The following RBFOX1 variants were observed in gnomAD, a reference collection of about 807,000 sequenced individuals.
RBFOX1 encodes the protein RNA binding fox-1 homolog 1.
In RBFOX1, 8 loss-of-function variants were observed where a neutral mutation model predicts 57.7. The ratio of observed to expected loss-of-function variants is 0.14; its 90% CI spans 0.08 to 0.25. The LOEUF (loss-of-function observed/expected upper bound fraction) is 0.25, where lower values mean the gene tolerates loss of function less well. Among genes scored for constraint, RBFOX1 ranks in the 10% least tolerant of loss-of-function variants. The pLI, the probability that RBFOX1 is intolerant of heterozygous loss-of-function variation, is 1.00. For missense variants in RBFOX1, 611 were observed against 548.5 expected, an observed-to-expected ratio of 1.11 and a Z score of -1.14; for synonymous variants, 326 against 222.4, an observed-to-expected ratio of 1.47 and a Z score of -4.15.
chr16:6,604,414 T>C (rs1330166086), intron 2 of RBFOX1, among the ~76,000 whole-genome samples: 1 of 152,196 alleles, frequency 6.6e-6, no homozygotes, highest in African/African-American at 2.4e-5. Context: ...TGCATTTAAG[T>C]GATCTTCCCA....
chr16:7,336,900 A>G (rs574208350), intron 4 of RBFOX1, among the ~76,000 whole-genome samples: 1 of 152,274 alleles, frequency 6.6e-6, no homozygotes, highest in African/African-American at 2.4e-5. Flanking sequence ...TCTTTATCCC[A>G]GCTAATGTAA....
At chr16:6,965,315 TTGTGTG>T (rs57603257) in intron 3 of RBFOX1, among the ~76,000 whole-genome samples, 3,294 of 147,438 alleles carry the variant, frequency 0.022, 67 homozygotes, top group African/African-American at 0.058. Context: ...TTTTCTTTTG[TTGTGTG>T]TGTGTGTGTG....
intron 2 of RBFOX1, among the ~76,000 whole-genome samples, chr16:6,474,105 G>A (rs991641986): frequency 6.6e-6 from 1 of 152,054 alleles, no homozygotes; most frequent in African/African-American, 2.4e-5. Context: ...ATATGGTCTT[G>A]CCAGTGTCCA....
chr16:6,457,303 A>T (rs985127525), intron 2 of RBFOX1, among the ~76,000 whole-genome samples: 1 of 152,126 alleles, frequency 6.6e-6, no homozygotes, highest in Non-Finnish European at 1.5e-5. Flanking sequence ...TGGAGTGGCC[A>T]TAGGGTCCCT....
exon 3 of RBFOX1, chr16:5,599,769 A>C (rs1455579587): frequency 6.5e-6 from 1 of 153,856 alleles, no homozygotes. Flanking sequence ...GTTGACTCAA[A>C]GACAAAAAAT....
At chr16:5,634,480 G>T (rs546689552) in intron 3 of RBFOX1, among the ~76,000 whole-genome samples, 11 of 152,162 alleles carry the variant, frequency 7.2e-5, no homozygotes, top group African/African-American at 2.6e-4. Context: ...CAAAATTAAA[G>T]AACTTGTACA....
At chr16:5,704,499 A>G (rs1040830642) in intron 3 of RBFOX1, among the ~76,000 whole-genome samples, 1 of 152,162 alleles carries the variant, frequency 6.6e-6, no homozygotes, top group Non-Finnish European at 1.5e-5. Context: ...AGGCCCAGCT[A>G]CTTTGCATAC....
At chr16:7,150,515 C>A (rs1007439075) in intron 4 of RBFOX1, among the ~76,000 whole-genome samples, 1 of 151,866 alleles carries the variant, frequency 6.6e-6, no homozygotes, top group African/African-American at 2.4e-5. Context: ...AATGATGACA[C>A]CATGAAGAAA....
intron 4 of RBFOX1, among the ~76,000 whole-genome samples, chr16:5,922,090 G>T (rs58523982): frequency 0.062 from 9,422 of 152,190 alleles, 1,014 homozygotes; most frequent in African/African-American, 0.21. Flanking sequence ...GAGTCCAGGA[G>T]GTCGAGGCTG....
chr16:7,405,499 A>G (rs1368512502), intron 4 of RBFOX1, among the ~76,000 whole-genome samples: 2 of 152,316 alleles, frequency 1.3e-5, no homozygotes, highest in East Asian at 3.9e-4. Context: ...GGCAGCAATT[A>G]AATGAGTTAT....
At chr16:5,336,885 G>C (rs757843935) in intron 1 of RBFOX1, among the ~76,000 whole-genome samples, 21 of 152,148 alleles carry the variant, frequency 1.4e-4, no homozygotes, top group Admixed American at 3.9e-4. Context: ...TGATGGATTT[G>C]TATGTTCGTC....
chr16:7,102,107 G>C (rs1371894616), intron 4 of RBFOX1, among the ~76,000 whole-genome samples: 1 of 151,990 alleles, frequency 6.6e-6, no homozygotes, highest in Non-Finnish European at 1.5e-5. Context: ...CATACAGGCA[G>C]AAATGGTCCT....
intron 2 of RBFOX1, among the ~76,000 whole-genome samples, chr16:6,362,848 A>C (rs1462786420): frequency 1.3e-5 from 2 of 152,198 alleles, no homozygotes; most frequent in Admixed American, 1.3e-4. Flanking sequence ...TCGAGGAAGG[A>C]AGGTCGAGGT....
chr16:6,517,400 G>T (rs1308061784), intron 2 of RBFOX1, among the ~76,000 whole-genome samples: 1 of 152,120 alleles, frequency 6.6e-6, no homozygotes, highest in Non-Finnish European at 1.5e-5. Context: ...AGGCATGACA[G>T]TTTATTACTC....
At chr16:5,270,769 G>C (rs1480902119) in intron 1 of RBFOX1, 2 of 464,620 alleles carry the variant, frequency 4.3e-6, no homozygotes, top group African/African-American at 4.1e-5. Flanking sequence ...TGTAGAAAAG[G>C]CTTGCCAATT....
Position 7,518,373 on chromosome 16 carries a change from T to G in RBFOX1, c.254T>G (p.Val85Gly). Residue 85 changes from valine to glycine, a missense_variant, in exon 5 of 16, where the codon GTC becomes GGC. This residue lies in a region of RBFOX1 where 245 missense variants were observed against 159.1 expected (regional missense o/e 1.54). Transcript: ENST00000550418. ...QSPADTSAQT[V>G]SGTATQTDDA... Reference sequence around the variant, plus strand: ...CCGGCGGACACGAGCGCTCAGACCGTCTCTGGCACCGCCACAGTAAGTGGA... The same window carrying G: ...CCGGCGGACACGAGCGCTCAGACCGGCTCTGGCACCGCCACAGTAAGTGGA... The G allele has an allele frequency of 6.8e-6, 11 of 1,609,950 alleles. No homozygotes were observed. Among genetic ancestry groups the G allele is most frequent in the Non-Finnish European group, 9.3e-6 (11 of 1,177,176 alleles).
chr16:5,449,447 C>T (rs559934140), intron 1 of RBFOX1, among the ~76,000 whole-genome samples: 1 of 152,290 alleles, frequency 6.6e-6, no homozygotes, highest in Admixed American at 6.5e-5. Context: ...TCTTTGATTG[C>T]CATTGCCTCA....
intron 3 of RBFOX1, among the ~76,000 whole-genome samples, chr16:6,806,828 ATATATATAT>A (rs2086911035): frequency 1.3e-5 from 1 of 76,322 alleles, no homozygotes; most frequent in Non-Finnish European, 2.7e-5. Flanking sequence ...ATATATATAT[ATATATATAT>A]TTTTTTTTTT....
intron 4 of RBFOX1, among the ~76,000 whole-genome samples, chr16:7,370,986 C>T (rs566784445): frequency 2.6e-4 from 39 of 152,292 alleles, no homozygotes; most frequent in African/African-American, 5.8e-4. Flanking sequence ...GAAATTGTAG[C>T]ATCAGCAGGA....
Sources: gnomAD v4.1 joint callset for allele counts (sites outside exome capture counted in the v4.1 genomes callset) on GRCh38, gnomAD v4.1.1 for gene constraint, gnomAD v4.1.1 regional missense constraint, MANE v1.5 for transcripts, NCBI Gene and HGNC (gene_info 2026-07-23, HGNC 2026-07-21) for gene names.